SLC34A2: variants seen among roughly 807,000 people sequenced by gnomAD.
SLC34A2 encodes sodium-dependent phosphate transport protein 2B.
In SLC34A2, 41 loss-of-function variants were observed where a neutral mutation model predicts 50.8. The ratio of observed to expected loss-of-function variants is 0.81; its 90% CI spans 0.63 to 1.05. The LOEUF is 1.05. Among genes scored for constraint, SLC34A2 ranks in the 50% least tolerant of loss-of-function variants. The probability of loss-of-function intolerance (pLI) is 0.00; values close to 1 mark genes in which losing one functional copy is unlikely to be tolerated. For synonymous variants in SLC34A2, 401 were observed against 364.2 expected, an observed-to-expected ratio of 1.10 and a Z score of -1.15; for missense variants, 879 against 876.7, an observed-to-expected ratio of 1.00 and a Z score of -0.03.
intron 6 of SLC34A2, 57 bp downstream of exon 6, chr4:25,668,048 G>A: frequency 9.0e-7 from 1 of 1,106,900 alleles, no homozygotes; most frequent in Non-Finnish European, 1.4e-6. Context: ...TGGCCACGCT[G>A]TTGTAACTGC....
At chr4:25,666,515 C>A (rs113861993) in intron 5 of SLC34A2, among the ~76,000 whole-genome samples, 6 of 152,338 alleles carry the variant, frequency 3.9e-5, no homozygotes, top group African/African-American at 1.4e-4. Flanking sequence ...TTCTCTAGTA[C>A]TGTACTTTCC....
chr4:25,661,130 G>T (rs1196531838), intron 1 of SLC34A2, among the ~76,000 whole-genome samples: 2 of 152,206 alleles, frequency 1.3e-5, no homozygotes, highest in Non-Finnish European at 2.9e-5. Flanking sequence ...AATAATTGCT[G>T]CTATTTATTG....
intron 4 of SLC34A2, 116 bp from the exon 5 acceptor site, chr4:25,666,006 AGGCTGG>A (rs1205624444): frequency 3.3e-6 from 4 of 1,201,512 alleles, no homozygotes; most frequent in Non-Finnish European, 4.9e-6. Flanking sequence ...GCAGCGATGG[AGGCTGG>A]ACTCTGCAAC....
chr4:25,664,190 A>AC lies in SLC34A2; in HGVS notation c.251-6dup, dbSNP rs759848850. ...GCCTTTCTCTCTCTCCCCCCATCCC[A>AC]CCCCCCTGCAGAGAGAGACACCAAA... On this transcript the variant is annotated splice_polypyrimidine_tract_variant and intron_variant, in intron 3 of 12. Coordinates refer to ENST00000382051, the MANE Select transcript of SLC34A2 (RefSeq NM_006424.3). 6.7e-5 allele frequency: 79 copies of AC among 1,174,544 alleles called. 1 individual carries two copies. In the South Asian group the frequency reaches 8.1e-4, roughly 12 times the overall value. The allele number at this position is 1,174,544 out of a possible 1,614,324, so 72.8% of individuals were successfully genotyped here.
rs1018038858 is a variant in SLC34A2 at position 25,678,376 on chromosome 4, G to A, written c.*1627G>A. 1 of 155,814 alleles carries A rather than the reference G, an allele frequency of 6.4e-6. No homozygotes were observed. The highest frequency in any genetic ancestry group is 2.4e-5 in the African/African-American group (1 of 41,450). The allele number at this position is 155,814 out of a possible 1,614,324, so 9.7% of individuals were successfully genotyped here. On this transcript the variant is annotated 3_prime_UTR_variant, in exon 13 of 13. Transcript: ENST00000382051. ...GTGCTCTCATTTGGAAATGAGGCAG[G>A]CTTCTTCTATGAAATGTAAAGAAAG...
rs1713978382 is a variant in SLC34A2, at chr4:25,657,975, GCA to G, written c.-4+2088_-4+2089del. ...CGTCACCCTCTTGGGAATTTTTGAA[GCA>G]CAGAGTCATTCTTTCAAAGTACAAG... On this transcript the variant is annotated intron_variant, in intron 1 of 12. Transcript: ENST00000382051. 2.0e-5 allele frequency among the ~76,000 whole-genome samples: 3 copies of G among 152,252 alleles called. No homozygotes were observed. In the South Asian group the frequency reaches 6.2e-4, roughly 32 times the overall value.
intron 10 of SLC34A2, 24 bp from the exon 11 acceptor site, chr4:25,674,272 A>T: frequency 6.3e-7 from 1 of 1,592,148 alleles, no homozygotes; most frequent in South Asian, 1.1e-5. Context: ...AGAGGCCATG[A>T]CATCTCTTCC....
rs751332566 is a variant in SLC34A2, at chr4:25,676,359, C to T, written c.1683C>T (p.Pro561=). 32 of 1,614,050 alleles carry T rather than the reference C, an allele frequency of 2.0e-5. No individual in the cohort carries two copies. Among genetic ancestry groups the T allele is most frequent in the Non-Finnish European group, 2.6e-5 (31 of 1,180,046 alleles). ...GGGTGCTGGTTGGTGTCGGGGTTCCCGTCGTCTTCATCATCATCCTGGTAC... is the reference window on the plus strand; with the variant it reads ...GGGTGCTGGTTGGTGTCGGGGTTCCTGTCGTCTTCATCATCATCCTGGTAC... ...GWRVLVGVGV[P]VVFIIILVLC... Residue 561 remains proline (P), a synonymous_variant, in exon 13 of 13, where the codon CCC becomes CCT. Transcript: ENST00000382051.
chr4:25,660,251 G>C (rs112771409), intron 1 of SLC34A2, among the ~76,000 whole-genome samples: 1 of 152,180 alleles, frequency 6.6e-6, no homozygotes, highest in African/African-American at 2.4e-5. Flanking sequence ...ATAGGTTGAC[G>C]AAGAAAGGAG....
rs150276587 is a variant in SLC34A2 at position 25,662,545 on chromosome 4, T to C, written c.45T>C (p.Asp15=). ...TGGGAGATGCCCAGCCCAACCCCGA[T>C]AAGTACCTCGAAGGGGCCGCAGGTC... The part of the protein sequence containing the change: ...PELGDAQPNP[D]KYLEGAAGQQ... The change falls in exon 2 of 13, where the codon GAT becomes GAC. Residue 15 remains aspartate, a synonymous_variant. Transcript: ENST00000382051. 26 of 1,613,834 alleles carry C rather than the reference T, an allele frequency of 1.6e-5. No individual in the cohort carries two copies. The highest frequency in any genetic ancestry group is 2.7e-5 in the African/African-American group (2 of 74,858).
At position 25,674,492 on chromosome 4, in the gene SLC34A2, G is replaced by A; in HGVS notation, c.1334-13G>A. On this transcript the variant is annotated splice_polypyrimidine_tract_variant and intron_variant, in intron 11 of 12. Coordinates refer to ENST00000382051, the MANE Select transcript of SLC34A2 (RefSeq NM_006424.3). ...CATGGGGCTGATATGTTTGTGTTTT[G>A]TGTTTCCCCCAGGAATCGGCGTGAT... is the stretch of plus-strand genomic sequence containing the variant. The A allele has an allele frequency of 6.2e-7, 1 of 1,614,170 alleles. No homozygotes were observed. The highest frequency in any genetic ancestry group is 1.7e-5 in the Admixed American group (1 of 60,018).
Position 25,671,705 on chromosome 4 carries a change from G to A in SLC34A2, c.1032G>A (p.Lys344=). The change falls in exon 9 of 13, where the codon AAG becomes AAA. Residue 344 remains lysine (K), a synonymous_variant. Transcript: ENST00000382051. The stretch of plus-strand genomic sequence containing the variant: ...GGACCATGAAGAATGTGACCTACAA[G>A]GAGAACATCGCCAAATGTGAGTGGA... ...QNWTMKNVTY[K]ENIAKCQHIF... is the part of the protein sequence containing the mutation. 1 of 1,614,204 alleles carries A rather than the reference G, an allele frequency of 6.2e-7. No homozygotes were observed. Among genetic ancestry groups the A allele is most frequent in the Non-Finnish European group, 8.5e-7 (1 of 1,180,034 alleles).
intron 1 of SLC34A2, among the ~76,000 whole-genome samples, chr4:25,658,397 C>T (rs1714000316): frequency 6.6e-6 from 1 of 152,170 alleles, no homozygotes; most frequent in Non-Finnish European, 1.5e-5. Context: ...TTCCTCCTCT[C>T]CCCATTTCTT....
chr4:25,667,610 G>A (rs534328775), intron 5 of SLC34A2, among the ~76,000 whole-genome samples: 1 of 152,328 alleles, frequency 6.6e-6, no homozygotes, highest in African/African-American at 2.4e-5. Context: ...TGCAAGCCCT[G>A]CACTCATCCA....
chr4:25,656,544 T>C (rs1293137051), intron 1 of SLC34A2: 1 of 152,276 alleles, frequency 6.6e-6, no homozygotes, highest in Non-Finnish European at 1.5e-5. Context: ...CCGCAATTTA[T>C]GTTTTCCAAG....
intron 4 of SLC34A2, 127 bp from the exon 5 acceptor site, chr4:25,666,001 G>T (rs187652943): frequency 5.4e-5 from 62 of 1,143,426 alleles, no homozygotes; most frequent in African/African-American, 9.1e-5. Flanking sequence ...TGCCTGCAGC[G>T]ATGGAGGCTG....
chr4:25,665,669 A>T (rs563355285), intron 4 of SLC34A2, among the ~76,000 whole-genome samples: 13 of 152,198 alleles, frequency 8.5e-5, no homozygotes, highest in Admixed American at 8.5e-4. Flanking sequence ...GCTAGGGCTA[A>T]GGGTGGATAG....
intron 5 of SLC34A2, 102 bp downstream of exon 5, chr4:25,666,373 C>T (rs1170808500): frequency 3.8e-6 from 5 of 1,323,286 alleles, no homozygotes; most frequent in Non-Finnish European, 5.2e-6. Context: ...TATGTCCAGG[C>T]CTTGCCACCA....
At chr4:25,669,376 G>T (rs1302493691) in intron 6 of SLC34A2, among the ~76,000 whole-genome samples, 1 of 152,132 alleles carries the variant, frequency 6.6e-6, no homozygotes, top group Non-Finnish European at 1.5e-5. Context: ...AAGTGCCCTT[G>T]ATGCAATTCT....
Sources: gnomAD v4.1 joint callset for allele counts (sites outside exome capture counted in the v4.1 genomes callset) on GRCh38, gnomAD v4.1.1 for gene constraint, MANE v1.5 for transcripts, NCBI Gene and HGNC (gene_info 2026-07-23, HGNC 2026-07-21) for gene names.